Variants in KDM1A observed in about 807,000 individuals in gnomAD.
KDM1A encodes the protein lysine demethylase 1A.
In KDM1A, 49 loss-of-function variants were observed where a neutral mutation model predicts 109.4. That is an observed-to-expected ratio of 0.45 (90% CI 0.36 to 0.57). The LOEUF (loss-of-function observed/expected upper bound fraction) is 0.57, where lower values mean the gene tolerates loss of function less well. Among genes scored for constraint, KDM1A ranks in the 20% least tolerant of loss-of-function variants. The pLI is 0.00. For missense variants in KDM1A, 668 were observed against 1,116.6 expected, an observed-to-expected ratio of 0.60 and a Z score of 5.73; for synonymous variants, 380 against 415.4, an observed-to-expected ratio of 0.91 and a Z score of 1.04.
At chr1:23,071,386 G>A (rs774939110) in intron 13 of KDM1A, 27 bp downstream of exon 13, 54 of 1,564,578 alleles carry the variant, frequency 3.5e-5, no homozygotes, top group Middle Eastern at 3.4e-4. Context: ...TGCCTAACTG[G>A]TTTTACTTGG....
chr1:23,058,273 AG>A (rs912259665), intron 8 of KDM1A, among the ~76,000 whole-genome samples: 3 of 152,028 alleles, frequency 2.0e-5, no homozygotes, highest in African/African-American at 7.2e-5. Context: ...GTGCTCCCAA[AG>A]TGCTGGAATT....
chr1:23,021,625 A>G (rs1213673439), intron 1 of KDM1A, among the ~76,000 whole-genome samples: 4 of 152,252 alleles, frequency 2.6e-5, no homozygotes, highest in African/African-American at 4.8e-5. Context: ...AGATCGTGCC[A>G]CTGCACTTCA....
chr1:23,019,652 C>G lies in KDM1A; in HGVS notation c.56C>G (p.Thr19Ser), dbSNP rs1241993370. 6 of 1,409,208 alleles carry G rather than the reference C, an allele frequency of 4.3e-6. No individual in the cohort carries two copies. Among genetic ancestry groups the G allele is most frequent in the Non-Finnish European group, 5.5e-6 (6 of 1,088,722 alleles). 87.3% of individuals were successfully genotyped at this position (1,409,208 alleles called of 1,614,324 possible). A position where few individuals can be genotyped will look rare whatever the true frequency, so the allele number is the denominator to read the frequency against. The change falls in exon 1 of 21, where the codon ACC (threonine) becomes AGC (serine). Residue 19 changes from threonine to serine, a missense_variant. Transcript: ENST00000400181. ...GCGGCGGCGGCTGCAGCGGCAGCAACCGGGACGGAGGCTGGCCCTGGGACA... is the reference window on the plus strand; with the variant it reads ...GCGGCGGCGGCTGCAGCGGCAGCAAGCGGGACGGAGGCTGGCCCTGGGACA... ...AAAAAAAAAA[T>S]GTEAGPGTAG...
rs1230747707 is a variant in KDM1A, at chr1:23,035,455, GC to G, written c.517+4823del. Among the ~76,000 whole-genome samples, 26 of 152,168 alleles carry G rather than the reference GC, an allele frequency of 1.7e-4. 1 individual carries two copies. The highest frequency in any genetic ancestry group is 1.3e-3 in the Admixed American group (20 of 15,278). ...GACCTCAGGTGATCCACCTGCCTCA[GC>G]CTCCCAAAGTGCTGGGATTACAGGT... is the stretch of plus-strand genomic sequence containing the variant. On this transcript the variant is annotated intron_variant, in intron 2 of 20. Transcript: ENST00000400181.
intron 12 of KDM1A, among the ~76,000 whole-genome samples, chr1:23,069,722 T>C (rs979101036): frequency 5.3e-5 from 8 of 152,202 alleles, no homozygotes; most frequent in African/African-American, 1.7e-4. Context: ...AGCCAGTTCA[T>C]TGGCATAATT....
At chr1:23,037,409 C>T (rs1394960943) in intron 2 of KDM1A, among the ~76,000 whole-genome samples, 1 of 151,024 alleles carries the variant, frequency 6.6e-6, no homozygotes, top group Non-Finnish European at 1.5e-5. Context: ...ATGGTGAGAA[C>T]TCAGAAGTTT....
intron 12 of KDM1A, among the ~76,000 whole-genome samples, chr1:23,069,366 T>C (rs376404554): frequency 6.6e-6 from 1 of 152,168 alleles, no homozygotes; most frequent in East Asian, 1.9e-4. Context: ...CCAGAGGAAA[T>C]AGATCTTTCC....
chr1:23,073,952 C>G (rs145911712), intron 15 of KDM1A, among the ~76,000 whole-genome samples: 1 of 152,312 alleles, frequency 6.6e-6, no homozygotes, highest in Non-Finnish European at 1.5e-5. Context: ...AACGAAGCTG[C>G]TTAAGAATGT....
At chr1:23,067,021 ATTG>A (rs984101447) in intron 10 of KDM1A, among the ~76,000 whole-genome samples, 2 of 152,136 alleles carry the variant, frequency 1.3e-5, no homozygotes, top group African/African-American at 2.4e-5. Context: ...TTTTTTGGCC[ATTG>A]AGTTGAATGA....
At chr1:23,083,082 T>C in intron 20 of KDM1A, 97 bp from the exon 21 acceptor site, 4 of 1,189,736 alleles carry the variant, frequency 3.4e-6, no homozygotes, top group Non-Finnish European at 3.6e-6. Context: ...GGTCAGCCTT[T>C]AAAAAGGTCA....
At chr1:23,019,975 C>A in intron 1 of KDM1A, 28 bp downstream of exon 1, 1 of 1,478,314 alleles carries the variant, frequency 6.8e-7, no homozygotes, top group Admixed American at 2.5e-5. Flanking sequence ...CCTCAAACGA[C>A]ACCGCCTGGT....
chr1:23,051,027 G>A (rs1642653606), intron 4 of KDM1A, among the ~76,000 whole-genome samples: 1 of 152,198 alleles, frequency 6.6e-6, no homozygotes, highest in African/African-American at 2.4e-5. Flanking sequence ...GGAGGTTGCA[G>A]TGAGCCGAGA....
intron 7 of KDM1A, among the ~76,000 whole-genome samples, chr1:23,056,969 ACT>A (rs778859391): frequency 5.9e-5 from 9 of 151,920 alleles, no homozygotes; most frequent in African/African-American, 2.2e-4. Context: ...TTCAGTATGG[ACT>A]CTCTGCCCCT....
chr1:23,080,604 A>G (rs579098), intron 18 of KDM1A, among the ~76,000 whole-genome samples: 125,258 of 152,052 alleles, frequency 0.82, 51,801 homozygotes, highest in East Asian at 0.88. Context: ...CCATCCCCAG[A>G]TTCCAGGCAC....
chr1:23,073,052 T>TA (rs923843851), intron 14 of KDM1A, among the ~76,000 whole-genome samples: 29 of 152,316 alleles, frequency 1.9e-4, no homozygotes, highest in Admixed American at 7.2e-4. Flanking sequence ...TTTTTTTTTT[T>TA]CCTTCAGACA....
intron 3 of KDM1A, among the ~76,000 whole-genome samples, chr1:23,046,964 G>A (rs1283350440): frequency 6.6e-6 from 1 of 152,176 alleles, no homozygotes; most frequent in Non-Finnish European, 1.5e-5. Context: ...GCAAACACCA[G>A]AGTACAAAAC....
At chr1:23,029,471 A>G (rs1021934148) in intron 1 of KDM1A, among the ~76,000 whole-genome samples, 1 of 152,208 alleles carries the variant, frequency 6.6e-6, no homozygotes, top group Non-Finnish European at 1.5e-5. Context: ...TAACCAATCC[A>G]TAATAATCTT....
chr1:23,059,052 A>G (rs1391322444), intron 8 of KDM1A, 21 bp from the exon 9 acceptor site: 1 of 1,546,456 alleles, frequency 6.5e-7, no homozygotes, highest in East Asian at 2.3e-5. Flanking sequence ...ATTGAATTTA[A>G]TTGCTTGAGT....
chr1:23,076,975 A>G (rs1208335920), intron 15 of KDM1A, among the ~76,000 whole-genome samples: 1 of 151,534 alleles, frequency 6.6e-6, no homozygotes, highest in Admixed American at 6.6e-5. Context: ...AAAAAAAAAA[A>G]AAAATCCAGG....
Sources: allele counts gnomAD v4.1 joint callset (sites outside exome capture counted in the v4.1 genomes callset), GRCh38; gene constraint gnomAD v4.1.1; transcripts MANE v1.5; gene names NCBI Gene and HGNC (gene_info 2026-07-23, HGNC 2026-07-21).